Variants in SNED1 observed in about 807,000 individuals in gnomAD.
SNED1 encodes sushi, nidogen and EGF-like domain-containing protein 1.
SNED1 carries 81 observed loss-of-function variants against 166.7 expected under a neutral mutation model. The ratio of observed to expected loss-of-function variants is 0.49; its 90% CI spans 0.41 to 0.58. The LOEUF (loss-of-function observed/expected upper bound fraction) is 0.58, where lower values mean the gene tolerates loss of function less well. SNED1 is among the 20% of genes least tolerant of loss of function. SNED1 has a pLI of 0.00. For missense variants in SNED1, 1,604 were observed against 2,000.2 expected (o/e 0.80, Z 3.78); for synonymous variants, 762 against 822.0 (o/e 0.93, Z 1.25).
rs757834809 is a variant in SNED1 at position 241,052,143 on chromosome 2, G to A, written c.1955G>A (p.Arg652Gln). 3.6e-5 allele frequency: 58 copies of A among 1,613,490 alleles called. No individual in the cohort carries two copies. The highest frequency in any genetic ancestry group is 2.0e-4 in the South Asian group (18 of 91,062). Reference sequence around the variant, plus strand: ...GACTGTCCCCCAGGCTTCTCCGGGCGGCACTGCGAGATAGGTAAGGTGGGT... The same window carrying A: ...GACTGTCCCCCAGGCTTCTCCGGGCAGCACTGCGAGATAGGTAAGGTGGGT... Reference protein sequence around the residue: ...KCDCPPGFSGRHCEIAPSPCF... With the variant: ...KCDCPPGFSGQHCEIAPSPCF... The change falls in exon 14 of 32, where the codon CGG (arginine) becomes CAG (glutamine). Residue 652 changes from arginine (R) to glutamine (Q), a missense_variant. Physicochemically the swap from Arg to Gln is conservative, Grantham distance 43. Transcript: ENST00000310397.
rs1304350931 is a variant in SNED1, at chr2:241,067,864, G to T, written c.3111G>T (p.Gly1037=). 1 of 1,613,520 alleles carries T rather than the reference G, an allele frequency of 6.2e-7. No individual in the cohort carries two copies. The highest frequency in any genetic ancestry group is 1.6e-4 in the Middle Eastern group (1 of 6,062). The change falls in exon 22 of 32, where the codon GGG becomes GGT. Residue 1037 remains glycine (G), a synonymous_variant. Coordinates refer to ENST00000310397, the MANE Select transcript of SNED1 (RefSeq NM_001080437.3). ...GGATCCGCCATGCCACCGTCAGTGGGGTCCGTGTGTCCATCCGCCACCCTG... is the reference window on the plus strand; with the variant it reads ...GGATCCGCCATGCCACCGTCAGTGGTGTCCGTGTGTCCATCCGCCACCCTG... ...LHRIRHATVS[G]VRVSIRHPEA...
rs200053273 is a variant in SNED1, at chr2:241,053,205, C to G, written c.2136C>G (p.Asn712Lys). Residue 712 changes from asparagine (N) to lysine (K), a missense_variant, in exon 16 of 32, where the codon AAC becomes AAG. Asn to Lys is a moderately conservative substitution (Grantham distance 94). This residue lies in a region of SNED1 where 1,237 missense variants were observed against 1,620.8 expected (regional missense o/e 0.76). Transcript: ENST00000310397. The stretch of plus-strand genomic sequence containing the variant: ...TGAAGCACGCCACACTGCGCTTCAA[C>G]GGCACGCGGCTGGGCGCGGTGGCCC... ...EEVKHATLRF[N>K]GTRLGAVALY... 6.2e-7 allele frequency: 1 copy of G among 1,610,048 alleles called. No homozygotes were observed. Among genetic ancestry groups the G allele is most frequent in the Non-Finnish European group, 8.5e-7 (1 of 1,179,424 alleles).
At chr2:241,048,206 G>A (rs2061717115) in intron 8 of SNED1, 109 bp from the exon 9 acceptor site, 5 of 1,289,446 alleles carry the variant, frequency 3.9e-6, no homozygotes, top group Non-Finnish European at 5.2e-6. Flanking sequence ...AATTCCACTT[G>A]GGAATGACAA....
chr2:241,021,259 A>G (rs893826542), intron 1 of SNED1, among the ~76,000 whole-genome samples: 2 of 152,182 alleles, frequency 1.3e-5, no homozygotes, highest in African/African-American at 2.4e-5. Context: ...CCAGGCTCAG[A>G]GGCCCCTCCC....
chr2:241,073,130 G>T lies in SNED1; in HGVS notation c.3818-136G>T. ...GCAGCTCTGGGGCCGACAGGTGCTG[G>T]GGCCACGCAGGGAGCCTGGTCCCCA... On this transcript the variant is annotated intron_variant, in intron 26 of 31. Coordinates refer to ENST00000310397, the MANE Select transcript of SNED1 (RefSeq NM_001080437.3). This position sits in a 1 kb window ranked among gnomAD's most constrained non-coding sequence, Gnocchi z 6.6. 1 of 642,050 alleles carries T rather than the reference G, an allele frequency of 1.6e-6. No individual in the cohort carries two copies. The highest frequency in any genetic ancestry group is 2.7e-6 in the Non-Finnish European group (1 of 369,558). The allele number at this position is 642,050 out of a possible 1,614,324, so 39.8% of individuals were successfully genotyped here. A position where few individuals can be genotyped will look rare whatever the true frequency, so the allele number is the denominator to read the frequency against.
chr2:241,087,213 C>T (rs2063628818), intron 29 of SNED1, 179 bp from the exon 30 acceptor site: 1 of 592,178 alleles, frequency 1.7e-6, no homozygotes, highest in South Asian at 2.3e-5. Context: ...TATTACAAAT[C>T]ACATGACCTT....
chr2:241,053,401 G>A (rs2061942696), intron 16 of SNED1, 75 bp downstream of exon 16: 2 of 1,437,436 alleles, frequency 1.4e-6, no homozygotes, highest in African/African-American at 1.4e-5. Flanking sequence ...GAGGAGCACA[G>A]GGGCTGCAGG....
At chr2:241,019,907 A>G (rs1248414663) in intron 1 of SNED1, among the ~76,000 whole-genome samples, 1 of 152,148 alleles carries the variant, frequency 6.6e-6, no homozygotes. Flanking sequence ...TTCAGGCCAC[A>G]GGGTCTCTGC....
rs548591340 is a variant in SNED1, at chr2:241,087,542, G to C, written c.4205+67G>C. 6.4e-5 allele frequency: 98 copies of C among 1,532,850 alleles called. No homozygotes were observed. In the African/African-American group the frequency reaches 1.1e-3, roughly 17 times the overall value. 95.0% of individuals were successfully genotyped at this position (1,532,850 alleles called of 1,614,324 possible). A position where few individuals can be genotyped will look rare whatever the true frequency, so the allele number is the denominator to read the frequency against. On this transcript the variant is annotated intron_variant, in intron 30 of 31. Coordinates refer to ENST00000310397, the MANE Select transcript of SNED1 (RefSeq NM_001080437.3). ...CCCACAGGGTGATGGGGCAAGGGCG[G>C]GGTGCTATGGGATGCTGCAGGCCTG...
intron 26 of SNED1, chr2:241,072,883 G>T (rs779896722): frequency 7.3e-6 from 2 of 275,172 alleles, no homozygotes; most frequent in Non-Finnish European, 1.4e-5. Flanking sequence ...GGGCAGCTCA[G>T]AAAGAGCAGG....
At chr2:241,090,880 A>AG (rs2063923531) in intron 31 of SNED1, among the ~76,000 whole-genome samples, 1 of 152,004 alleles carries the variant, frequency 6.6e-6, no homozygotes. Flanking sequence ...AAAAAAAAAA[A>AG]AAAAGAAAAA....
chr2:241,001,729 C>G (rs1482141033), intron 1 of SNED1, among the ~76,000 whole-genome samples: 1 of 152,118 alleles, frequency 6.6e-6, no homozygotes, highest in Non-Finnish European at 1.5e-5. Flanking sequence ...CCTGGTGCCC[C>G]CTACACTGAA....
intron 14 of SNED1, 58 bp from the exon 15 acceptor site, chr2:241,052,297 C>T: frequency 1.3e-6 from 2 of 1,491,346 alleles, no homozygotes; most frequent in Non-Finnish European, 1.8e-6. Flanking sequence ...GGATGCCCCA[C>T]ACAGTCCCGA....
rs1462684576 is a variant in SNED1 at position 241,048,346 on chromosome 2, G to T, written c.1305G>T (p.Ser435=). 3 of 1,610,382 alleles carry T rather than the reference G, an allele frequency of 1.9e-6. No homozygotes were observed. Among genetic ancestry groups the T allele is most frequent in the Non-Finnish European group, 2.5e-6 (3 of 1,178,646 alleles). Reference sequence around the variant, plus strand: ...ATCCAGTGCCAGACGCCTGCCTCTCGGCCCCTTGCCACAATGGGGGCACCT... The same window carrying T: ...ATCCAGTGCCAGACGCCTGCCTCTCTGCCCCTTGCCACAATGGGGGCACCT... The part of the protein sequence containing the change: ...GDHPVPDACL[S]APCHNGGTCV... The change falls in exon 9 of 32, where the codon TCG becomes TCT. Residue 435 remains serine, a synonymous_variant. Coordinates refer to ENST00000310397, the MANE Select transcript of SNED1 (RefSeq NM_001080437.3).
At position 241,064,978 on chromosome 2, in the gene SNED1, C is replaced by A; in HGVS notation, c.2713+21C>A. The A allele has an allele frequency of 6.5e-7, 1 of 1,540,310 alleles. No homozygotes were observed. Among genetic ancestry groups the A allele is most frequent in the Non-Finnish European group, 8.7e-7 (1 of 1,143,782 alleles). On this transcript the variant is annotated intron_variant, in intron 20 of 31. Transcript: ENST00000310397. The surrounding 1 kb of genome is among the most constrained non-coding windows in gnomAD (Gnocchi z 7.0). ...CAAAGGTGGGTGGCGAGGGCGCCTC[C>A]AGTGAGGGAGCCACGAGGGGGTCCC...
intron 1 of SNED1, among the ~76,000 whole-genome samples, chr2:241,029,038 C>T (rs55739157): frequency 8.5e-5 from 13 of 152,072 alleles, no homozygotes; most frequent in African/African-American, 3.1e-4. Flanking sequence ...CAGTCTGGGA[C>T]CCCCTTAGTG....
At chr2:241,050,060 GATGTGCTGCT>G (rs750823181) in intron 12 of SNED1, 127 bp downstream of exon 12, 2 of 748,106 alleles carry the variant, frequency 2.7e-6, no homozygotes, top group East Asian at 5.4e-5. Context: ...AGCCTTGCCT[GATGTGCTGCT>G]CTGTTCTGTG....
chr2:241,072,312 C>CG, intron 26 of SNED1: 3 of 429,152 alleles, frequency 7.0e-6, no homozygotes, highest in Non-Finnish European at 1.4e-5. Flanking sequence ...AAGATCTTCC[C>CG]GGTGGCAGCA....
At chr2:241,025,348 T>C (rs1013409101) in intron 1 of SNED1, among the ~76,000 whole-genome samples, 2 of 152,306 alleles carry the variant, frequency 1.3e-5, no homozygotes, top group African/African-American at 2.4e-5. Context: ...TGGTCCCTGC[T>C]ACCAAAAAGG....
Sources: gnomAD v4.1 joint callset for allele counts (sites outside exome capture counted in the v4.1 genomes callset) on GRCh38, gnomAD v4.1.1 for gene constraint, gnomAD v4.1.1 regional missense constraint, Gnocchi (gnomAD v3.1) non-coding constraint, MANE v1.5 for transcripts, NCBI Gene and HGNC (gene_info 2026-07-23, HGNC 2026-07-21) for gene names.